Variants in AKAP6 observed in about 807,000 individuals in gnomAD.
AKAP6 encodes the protein A-kinase anchor protein 6.
AKAP6 carries 58 observed loss-of-function variants against 188.5 expected under a neutral mutation model. The observed-to-expected ratio is 0.31, with a 90% CI of 0.25 to 0.38. The LOEUF (loss-of-function observed/expected upper bound fraction) is 0.38, where lower values mean the gene tolerates loss of function less well. Ranked by LOEUF, AKAP6 falls within the 10% of genes least tolerant of loss-of-function variation. The pLI, the probability that AKAP6 is intolerant of heterozygous loss-of-function variation, is 1.00. For missense variants in AKAP6, 2,710 were observed against 2,740.0 expected, an observed-to-expected ratio of 0.99 and a Z score of 0.24; for synonymous variants, 989 against 998.6, an observed-to-expected ratio of 0.99 and a Z score of 0.18.
chr14:32,748,213 G>T (rs1357603667), intron 11 of AKAP6, among the ~76,000 whole-genome samples: 2 of 152,236 alleles, frequency 1.3e-5, no homozygotes, highest in Admixed American at 1.3e-4. Flanking sequence ...AGTATAGGAT[G>T]GGAACAGTGA....
rs187342504 is a variant in AKAP6 at position 32,811,164 on chromosome 14, G to A, written c.3589-10238G>A. ...TGAGGCAGGAGAATGGCATGAACCC[G>A]GGAGGCGCAGCTTGCAGTGAGCCGA... On this transcript the variant is annotated intron_variant, in intron 12 of 13. Coordinates refer to ENST00000280979, the MANE Select transcript of AKAP6 (RefSeq NM_004274.5). Among the ~76,000 whole-genome samples the A allele has an allele frequency of 3.3e-3, 493 of 150,002 alleles. 6 individuals carry two copies. Among genetic ancestry groups the A allele is most frequent in the African/African-American group, 0.011 (451 of 40,770 alleles).
chr14:32,350,242 G>A (rs1887220476), intron 1 of AKAP6, among the ~76,000 whole-genome samples: 1 of 152,204 alleles, frequency 6.6e-6, no homozygotes, highest in South Asian at 2.1e-4. Flanking sequence ...GATGAAGGTT[G>A]ATGTCACCAT....
chr14:32,822,869 G>A lies in AKAP6; in HGVS notation c.5056G>A (p.Ala1686Thr), dbSNP rs2140147562. The change falls in exon 13 of 14, where the codon GCA (alanine) becomes ACA (threonine). Residue 1686 changes from alanine (A) to threonine (T), a missense_variant. This residue lies in a region of AKAP6 where 2,473 missense variants were observed against 2,426.1 expected (regional missense o/e 1.02). Transcript: ENST00000280979. ...ATCTTCTATCAATGAAGACTCAGCG[G>A]CATCTCTAACAGAACTTAGCAGCAG... ...IASSINEDSAASLTELSSSDE... is the reference protein window; with the variant it reads ...IASSINEDSATSLTELSSSDE... 1.2e-6 allele frequency: 2 copies of A among 1,613,870 alleles called. No individual in the cohort carries two copies. The highest frequency in any genetic ancestry group is 1.7e-6 in the Non-Finnish European group (2 of 1,179,912).
chr14:32,738,775 G>A (rs935264044), intron 11 of AKAP6, among the ~76,000 whole-genome samples: 2 of 152,094 alleles, frequency 1.3e-5, no homozygotes, highest in Admixed American at 1.3e-4. Context: ...TAAATCAGGG[G>A]TTGACAAACA....
intron 1 of AKAP6, among the ~76,000 whole-genome samples, chr14:32,358,302 A>C (rs1594537165): frequency 6.6e-6 from 1 of 152,196 alleles, no homozygotes; most frequent in African/African-American, 2.4e-5. Flanking sequence ...GGTCTTTGCC[A>C]CTTCTTACAC....
intron 3 of AKAP6, among the ~76,000 whole-genome samples, chr14:32,540,162 C>CTATATATATATA (rs1473909094): frequency 9.5e-6 from 1 of 105,240 alleles, no homozygotes; most frequent in African/African-American, 4.9e-5. Flanking sequence ...CTCTCTCTCT[C>CTATATATATATA]TCTCTCTATA....
intron 2 of AKAP6, among the ~76,000 whole-genome samples, chr14:32,451,890 T>A (rs569631615): frequency 3.3e-5 from 5 of 152,086 alleles, no homozygotes; most frequent in Non-Finnish European, 7.4e-5. Flanking sequence ...TGCTGATTGA[T>A]GTCTTAACCC....
intron 1 of AKAP6, among the ~76,000 whole-genome samples, chr14:32,389,718 T>C (rs944838065): frequency 3.9e-5 from 6 of 152,210 alleles, no homozygotes; most frequent in African/African-American, 7.2e-5. Context: ...AAATCTGCTG[T>C]TAATCCGATA....
intron 12 of AKAP6, among the ~76,000 whole-genome samples, chr14:32,804,740 G>T (rs1566724060): frequency 6.6e-6 from 1 of 152,030 alleles, no homozygotes; most frequent in African/African-American, 2.4e-5. Flanking sequence ...GCATATCTCA[G>T]TCCTTATCTC....
rs114661112 is a variant in AKAP6 at position 32,417,530 on chromosome 14, A to G, written c.-34-15930A>G. On this transcript the variant is annotated intron_variant, in intron 1 of 13. Transcript: ENST00000280979. Reference sequence around the variant, plus strand: ...CAGTTCTTTCTTTCCTGGACTTGAAATTTCTGGAGGGTGGAGGGACAAAAA... The same window carrying G: ...CAGTTCTTTCTTTCCTGGACTTGAAGTTTCTGGAGGGTGGAGGGACAAAAA... Among the ~76,000 whole-genome samples the G allele has an allele frequency of 4.1e-3, 618 of 152,220 alleles. 5 individuals carry two copies. Among genetic ancestry groups the G allele is most frequent in the African/African-American group, 0.014 (602 of 41,534 alleles).
At chr14:32,489,740 A>G (rs564280342) in intron 2 of AKAP6, among the ~76,000 whole-genome samples, 10 of 152,330 alleles carry the variant, frequency 6.6e-5, no homozygotes, top group African/African-American at 2.2e-4. Context: ...CTTGCTTTAC[A>G]GTCTTAATGC....
intron 12 of AKAP6, among the ~76,000 whole-genome samples, chr14:32,798,576 G>A (rs142032881): frequency 3.2e-4 from 49 of 152,228 alleles, no homozygotes; most frequent in African/African-American, 1.1e-3. Context: ...TTGCAGCAAT[G>A]TGAATGGAAC....
rs1364337121 is a variant in AKAP6 at position 32,831,528 on chromosome 14, A to G, written c.*1723A>G. Reference sequence around the variant, plus strand: ...CAGGAATGACAATCATTCAACAGATAGTTCAGAAACACTTTTTATCTGCAA... The same window carrying G: ...CAGGAATGACAATCATTCAACAGATGGTTCAGAAACACTTTTTATCTGCAA... On this transcript the variant is annotated 3_prime_UTR_variant, in exon 14 of 14. Coordinates refer to ENST00000280979, the MANE Select transcript of AKAP6 (RefSeq NM_004274.5). 4 of 152,242 alleles carry G rather than the reference A, an allele frequency of 2.6e-5. No individual in the cohort carries two copies. Among genetic ancestry groups the G allele is most frequent in the African/African-American group, 7.2e-5 (3 of 41,452 alleles). The allele number at this position is 152,242 out of a possible 1,614,324, so 9.4% of individuals were successfully genotyped here.
intron 3 of AKAP6, among the ~76,000 whole-genome samples, chr14:32,542,893 G>C (rs1430184818): frequency 6.6e-6 from 1 of 152,180 alleles, no homozygotes; most frequent in East Asian, 1.9e-4. Context: ...GCATTGAAGT[G>C]TGTCATTTTT....
chr14:32,605,085 T>C (rs985743560), intron 7 of AKAP6, among the ~76,000 whole-genome samples: 3 of 152,204 alleles, frequency 2.0e-5, no homozygotes, highest in Non-Finnish European at 4.4e-5. Flanking sequence ...TTTGGTTTTC[T>C]GTTCCTGTGT....
At chr14:32,608,487 A>C (rs1267477033) in intron 7 of AKAP6, among the ~76,000 whole-genome samples, 1 of 145,486 alleles carries the variant, frequency 6.9e-6, no homozygotes, top group Non-Finnish European at 1.5e-5. Context: ...GTGACAGAGC[A>C]AGAGTCTGTC....
rs559961392 is a variant in AKAP6 at position 32,644,410 on chromosome 14, A to G, written c.2731-33901A>G. Among the ~76,000 whole-genome samples the G allele has an allele frequency of 4.3e-4, 65 of 152,294 alleles. No homozygotes were observed. In the South Asian group the frequency reaches 0.013, roughly 30 times the overall value. On this transcript the variant is annotated intron_variant, in intron 7 of 13. Coordinates refer to ENST00000280979, the MANE Select transcript of AKAP6 (RefSeq NM_004274.5). ...GCTGTCAGTAATTTCTAACCTAGCT[A>G]GGTTGTATCTGGCAATGCTGGAGCA...
chr14:32,602,632 T>C (rs1885974441), intron 7 of AKAP6, among the ~76,000 whole-genome samples: 1 of 152,248 alleles, frequency 6.6e-6, no homozygotes, highest in African/African-American at 2.4e-5. Context: ...AAGAATACAC[T>C]GAGGGCCTAC....
intron 12 of AKAP6, among the ~76,000 whole-genome samples, chr14:32,814,713 GTA>G (rs1336311489): frequency 1.3e-5 from 2 of 152,084 alleles, no homozygotes; most frequent in Non-Finnish European, 2.9e-5. Context: ...AGATCACTCA[GTA>G]AATTTTTCCT....
Sources: gnomAD v4.1 joint callset for allele counts (sites outside exome capture counted in the v4.1 genomes callset) on GRCh38, gnomAD v4.1.1 for gene constraint, gnomAD v4.1.1 regional missense constraint, MANE v1.5 for transcripts, NCBI Gene and HGNC (gene_info 2026-07-23, HGNC 2026-07-21) for gene names.